The following PCDHGA5 variants were observed in gnomAD, a reference collection of about 807,000 sequenced individuals.
The protein encoded by PCDHGA5 is protocadherin gamma-A5.
Under a neutral mutation model 56.7 loss-of-function variants are expected in PCDHGA5, and 36 were observed. That is an observed-to-expected ratio of 0.64 (90% CI 0.49 to 0.84). PCDHGA5 has a LOEUF of 0.84. Ranked by LOEUF, PCDHGA5 falls within the 40% of genes least tolerant of loss-of-function variation. The pLI, the probability that PCDHGA5 is intolerant of heterozygous loss-of-function variation, is 0.00. For missense variants in PCDHGA5, 1,305 were observed against 1,201.5 expected, an observed-to-expected ratio of 1.09 and a Z score of -1.27; for synonymous variants, 563 against 520.2, an observed-to-expected ratio of 1.08 and a Z score of -1.12.
chr5:141,399,996 C>A (rs753801667), intron 1 of PCDHGA5: 5 of 1,612,402 alleles, frequency 3.1e-6, no homozygotes, highest in Non-Finnish European at 4.2e-6. Flanking sequence ...GAGAGGTGCG[C>A]ACAGCGCGTG....
Position 141,485,718 on chromosome 5 carries a change from T to A in PCDHGA5, c.2422-9089T>A, listed in dbSNP as rs562192762. ...TCCAATGAACACTTTGCACTGGATG[T>A]GAAGAAGCGCAGCGACGGCAGCCTG... On this transcript the variant is annotated intron_variant, in intron 1 of 3. Coordinates refer to ENST00000518069, the MANE Select transcript of PCDHGA5 (RefSeq NM_018918.3). The surrounding 1 kb of genome is among the most constrained non-coding windows in gnomAD (Gnocchi z 5.7). 1 of 1,614,058 alleles carries A rather than the reference T, an allele frequency of 6.2e-7. No homozygotes were observed. The highest frequency in any genetic ancestry group is 2.2e-5 in the East Asian group (1 of 44,866).
At chr5:141,451,945 C>T (rs906800803) in intron 1 of PCDHGA5, among the ~76,000 whole-genome samples, 1 of 151,970 alleles carries the variant, frequency 6.6e-6, no homozygotes, top group Non-Finnish European at 1.5e-5. Flanking sequence ...AGGGAAAGAC[C>T]GAGAAAGTGA....
chr5:141,370,781 C>T (rs774285137), intron 1 of PCDHGA5: 16 of 1,613,898 alleles, frequency 9.9e-6, no homozygotes, highest in Non-Finnish European at 1.3e-5. Context: ...TTAACGACAA[C>T]CCACCGACCT....
At chr5:141,372,999 A>T (rs978002014) in intron 1 of PCDHGA5, among the ~76,000 whole-genome samples, 9 of 152,148 alleles carry the variant, frequency 5.9e-5, no homozygotes, top group Non-Finnish European at 7.3e-5. Flanking sequence ...TTGTTCTTTC[A>T]TAGAAAGCCT....
chr5:141,395,562 G>T (rs975935179), intron 1 of PCDHGA5: 2 of 227,450 alleles, frequency 8.8e-6, no homozygotes, highest in Non-Finnish European at 1.7e-5. Context: ...GTGTGTGTGT[G>T]TGTGTGTGTG....
At chr5:141,410,266 G>A in intron 1 of PCDHGA5, 1 of 1,614,036 alleles carries the variant, frequency 6.2e-7, no homozygotes, top group South Asian at 1.1e-5. Context: ...AGGCTGAACT[G>A]CAGTTTTACC....
At chr5:141,382,123 T>C (rs1431842426) in intron 1 of PCDHGA5, among the ~76,000 whole-genome samples, 1 of 152,126 alleles carries the variant, frequency 6.6e-6, no homozygotes, top group Non-Finnish European at 1.5e-5. Context: ...CAACAGCACC[T>C]GGCCCCCCCT....
chr5:141,413,081 C>A, intron 1 of PCDHGA5: 2 of 1,339,424 alleles, frequency 1.5e-6, no homozygotes, highest in Non-Finnish European at 2.0e-6. Context: ...GCCCAGGCTA[C>A]AGAGACACCC....
chr5:141,373,138 T>G (rs1047353742), intron 1 of PCDHGA5, among the ~76,000 whole-genome samples: 9 of 152,246 alleles, frequency 5.9e-5, no homozygotes, highest in African/African-American at 2.2e-4. Flanking sequence ...TCCTCACAAT[T>G]AAGTGGTTTA....
intron 1 of PCDHGA5, chr5:141,410,849 CTTTTTT>C (rs759346998): frequency 3.0e-4 from 42 of 138,124 alleles, no homozygotes; most frequent in Middle Eastern, 4.3e-3. Context: ...TTGTCTTTGT[CTTTTTT>C]TTTTTTTTTT....
At chr5:141,448,058 C>G (rs2098560499) in intron 1 of PCDHGA5, among the ~76,000 whole-genome samples, 2 of 151,936 alleles carry the variant, frequency 1.3e-5, no homozygotes, top group Non-Finnish European at 2.9e-5. Flanking sequence ...TGCTCTCCAG[C>G]CTGGGCAACA....
intron 1 of PCDHGA5, chr5:141,383,675 C>G: frequency 6.2e-7 from 1 of 1,614,006 alleles, no homozygotes; most frequent in Non-Finnish European, 8.5e-7. Flanking sequence ...CCAGTGGGTA[C>G]AAGACTGCTC....
At chr5:141,388,228 A>G (rs768450383) in intron 1 of PCDHGA5, 9 of 1,605,464 alleles carry the variant, frequency 5.6e-6, no homozygotes, top group Non-Finnish European at 7.7e-6. Context: ...AATCCACTGA[A>G]CTTTTATCAC....
intron 1 of PCDHGA5, among the ~76,000 whole-genome samples, chr5:141,452,276 C>A (rs1160292593): frequency 2.6e-5 from 4 of 152,172 alleles, no homozygotes; most frequent in Admixed American, 6.5e-5. Flanking sequence ...TGAACCCTTT[C>A]TTACTTTCTG....
chr5:141,384,533 A>C, intron 1 of PCDHGA5: 2 of 1,614,240 alleles, frequency 1.2e-6, no homozygotes. Flanking sequence ...CTCAGCAGCA[A>C]CATGTCACTG....
intron 1 of PCDHGA5, among the ~76,000 whole-genome samples, chr5:141,472,136 A>T (rs1172420221): frequency 1.1e-4 from 17 of 152,262 alleles, no homozygotes; most frequent in Non-Finnish European, 2.5e-4. Flanking sequence ...AGTTAAAAAT[A>T]AAAGTTTCAT....
intron 1 of PCDHGA5, among the ~76,000 whole-genome samples, chr5:141,451,873 C>A (rs1425706652): frequency 1.3e-5 from 2 of 151,830 alleles, no homozygotes; most frequent in East Asian, 3.9e-4. Context: ...AGAATGAAAC[C>A]CTGTCAAGAA....
chr5:141,495,939 G>A (rs1408330065), intron 2 of PCDHGA5, among the ~76,000 whole-genome samples: 1 of 151,994 alleles, frequency 6.6e-6, no homozygotes, highest in Non-Finnish European at 1.5e-5. Context: ...TCTGGTCTCT[G>A]TGCCTGTTGT....
intron 1 of PCDHGA5, chr5:141,423,965 T>C (rs911812056): frequency 8.1e-5 from 94 of 1,162,030 alleles, no homozygotes; most frequent in Admixed American, 1.3e-4. Context: ...TATTTTTCTA[T>C]TATCAGTGTA....
Sources: allele counts gnomAD v4.1 joint callset (sites outside exome capture counted in the v4.1 genomes callset), GRCh38; gene constraint gnomAD v4.1.1; non-coding constraint Gnocchi (gnomAD v3.1); transcripts MANE v1.5; gene names NCBI Gene and HGNC (gene_info 2026-07-23, HGNC 2026-07-21).